HDAC3: variants seen among roughly 807,000 people sequenced by gnomAD.
The protein encoded by HDAC3 is histone deacetylase 3, also known as SMAP45.
Under a neutral mutation model 62.3 loss-of-function variants are expected in HDAC3, and 21 were observed. The ratio of observed to expected loss-of-function variants is 0.34; its 90% CI spans 0.24 to 0.49. The LOEUF (loss-of-function observed/expected upper bound fraction) is 0.49. Ranked by LOEUF, HDAC3 falls within the 20% of genes least tolerant of loss-of-function variation. The pLI, the probability that HDAC3 is intolerant of heterozygous loss-of-function variation, is 0.99. For missense variants in HDAC3, 270 were observed against 556.9 expected, an observed-to-expected ratio of 0.48 and a Z score of 5.19; for synonymous variants, 198 against 206.5, an observed-to-expected ratio of 0.96 and a Z score of 0.35.
chr5:141,626,365 C>T lies in HDAC3; in HGVS notation c.831-82G>A. 2.2e-6 allele frequency: 2 copies of T among 928,304 alleles called. No homozygotes were observed. Among genetic ancestry groups the T allele is most frequent in the Non-Finnish European group, 3.5e-6 (2 of 577,088 alleles). 57.5% of individuals were successfully genotyped at this position (928,304 alleles called of 1,614,324 possible). A position where few individuals can be genotyped will look rare whatever the true frequency, so the allele number is the denominator to read the frequency against. On this transcript the variant is annotated intron_variant, in intron 10 of 14. Coordinates refer to ENST00000305264, the MANE Select transcript of HDAC3 (RefSeq NM_003883.4). The surrounding 1 kb of genome is among the most constrained non-coding windows in gnomAD (Gnocchi z 4.6). ...ACCTTTAGGTATTGCCTGAAAGGAGCACAAGAAAACTATAAATGTTCTAAA... is the reference window on the plus strand; with the variant it reads ...ACCTTTAGGTATTGCCTGAAAGGAGTACAAGAAAACTATAAATGTTCTAAA...
At chr5:141,631,753 C>G (rs1216777813) in intron 3 of HDAC3, among the ~76,000 whole-genome samples, 1 of 152,168 alleles carries the variant, frequency 6.6e-6, no homozygotes, top group African/African-American at 2.4e-5. Context: ...CCTTTCTGTG[C>G]TTAAGTGTCC....
intron 3 of HDAC3, among the ~76,000 whole-genome samples, chr5:141,634,118 G>T (rs1333243673): frequency 6.6e-6 from 1 of 152,078 alleles, no homozygotes; most frequent in Non-Finnish European, 1.5e-5. Flanking sequence ...TAAACCTAAT[G>T]ATATCAAACC....
intron 2 of HDAC3, 26 bp downstream of exon 2, chr5:141,636,522 C>T: frequency 6.2e-7 from 1 of 1,606,996 alleles, no homozygotes. Context: ...CACCCCCCAA[C>T]CCCCGGCCGA....
chr5:141,628,589 C>T lies in HDAC3; in HGVS notation c.661G>A (p.Val221Met). The T allele has an allele frequency of 6.2e-7, 1 of 1,614,100 alleles. No individual in the cohort carries two copies. Among genetic ancestry groups the T allele is most frequent in the African/African-American group, 1.3e-5 (1 of 75,040 alleles). Residue 221 changes from valine (V) to methionine (M), a missense_variant, in exon 8 of 15, where the codon GTG becomes ATG. By Grantham distance (21) the Val-to-Met change is conservative. Transcript: ENST00000305264. The surrounding 1 kb of genome is among the most constrained non-coding windows in gnomAD (Gnocchi z 4.7). ...TCATCAATGCCATCCCGCAGGGGCACGTTCAGACAGTAGTAGCGGCCACTC... is the reference window on the plus strand; with the variant it reads ...TCATCAATGCCATCCCGCAGGGGCATGTTCAGACAGTAGTAGCGGCCACTC... The part of the protein sequence containing the change: ...AESGRYYCLN[V>M]PLRDGIDDQS...
chr5:141,626,323 C>G lies in HDAC3; in HGVS notation c.831-40G>C, dbSNP rs1453505380. 5 of 1,512,166 alleles carry G rather than the reference C, an allele frequency of 3.3e-6. No individual in the cohort carries two copies. The highest frequency in any genetic ancestry group is 4.6e-6 in the Non-Finnish European group (5 of 1,089,140). 93.7% of individuals were successfully genotyped at this position (1,512,166 alleles called of 1,614,324 possible). ...CAGAGGAAGATGTGGAGGAGGTTAT[C>G]AAAAGACAAGGTAAATACCTTTAGG... On this transcript the variant is annotated intron_variant, in intron 10 of 14. Coordinates refer to ENST00000305264, the MANE Select transcript of HDAC3 (RefSeq NM_003883.4). The surrounding 1 kb of genome is among the most constrained non-coding windows in gnomAD (Gnocchi z 4.6).
rs924175040 is a variant in HDAC3, at chr5:141,625,012, G to C, written c.1217+196C>G. The C allele has an allele frequency of 2.8e-4, 158 of 568,624 alleles. No homozygotes were observed. Among genetic ancestry groups the C allele is most frequent in the Non-Finnish European group, 4.4e-4 (145 of 327,668 alleles). The allele number at this position is 568,624 out of a possible 1,614,324, so 35.2% of individuals were successfully genotyped here. A position where few individuals can be genotyped will look rare whatever the true frequency, so the allele number is the denominator to read the frequency against. On this transcript the variant is annotated intron_variant, in intron 14 of 14. Coordinates refer to ENST00000305264, the MANE Select transcript of HDAC3 (RefSeq NM_003883.4). The surrounding 1 kb of genome is among the most constrained non-coding windows in gnomAD (Gnocchi z 4.0). ...GTGTGAACGCCAACACCATATTTTG[G>C]TGCTGTTTTAAAATTTTGCAATAAA... is the stretch of plus-strand genomic sequence containing the variant.
chr5:141,629,078 G>C lies in HDAC3; in HGVS notation c.610+95C>G. 1 of 1,305,530 alleles carries C rather than the reference G, an allele frequency of 7.7e-7. No individual in the cohort carries two copies. Among genetic ancestry groups the C allele is most frequent in the Non-Finnish European group, 1.1e-6 (1 of 931,482 alleles). The allele number at this position is 1,305,530 out of a possible 1,614,324, so 80.9% of individuals were successfully genotyped here. A position where few individuals can be genotyped will look rare whatever the true frequency, so the allele number is the denominator to read the frequency against. ...TGGTAAGGAAAGGCTTCTCTGAGGAGGGGACACCTGAGATGAGACTAGAAG... is the reference window on the plus strand; with the variant it reads ...TGGTAAGGAAAGGCTTCTCTGAGGACGGGACACCTGAGATGAGACTAGAAG... On this transcript the variant is annotated intron_variant, in intron 7 of 14. Transcript: ENST00000305264. The surrounding 1 kb of genome is among the most constrained non-coding windows in gnomAD (Gnocchi z 5.3).
At position 141,626,459 on chromosome 5, in the gene HDAC3, C is replaced by T; in HGVS notation, c.831-176G>A. The T allele has an allele frequency of 1.6e-6, 1 of 614,054 alleles. No individual in the cohort carries two copies. The highest frequency in any genetic ancestry group is 2.9e-6 in the Non-Finnish European group (1 of 346,790). The allele number at this position is 614,054 out of a possible 1,614,324, so 38.0% of individuals were successfully genotyped here. A position where few individuals can be genotyped will look rare whatever the true frequency, so the allele number is the denominator to read the frequency against. On this transcript the variant is annotated intron_variant, in intron 10 of 14. Transcript: ENST00000305264. The surrounding 1 kb of genome is among the most constrained non-coding windows in gnomAD (Gnocchi z 4.6). Reference sequence around the variant, plus strand: ...TTTGGGTATACTTTATATGCTGTGTCTCAATAAAAATTTTAAAATAAAGCA... The same window carrying T: ...TTTGGGTATACTTTATATGCTGTGTTTCAATAAAAATTTTAAAATAAAGCA...
Position 141,629,587 on chromosome 5 carries a change from A to G in HDAC3, c.476+97T>C, listed in dbSNP as rs1418174104. 7 of 1,223,330 alleles carry G rather than the reference A, an allele frequency of 5.7e-6. No individual in the cohort carries two copies. The highest frequency in any genetic ancestry group is 8.3e-6 in the Non-Finnish European group (7 of 845,548). The allele number at this position is 1,223,330 out of a possible 1,614,324, so 75.8% of individuals were successfully genotyped here. On this transcript the variant is annotated intron_variant, in intron 6 of 14. Transcript: ENST00000305264. This position sits in a 1 kb window ranked among gnomAD's most constrained non-coding sequence, Gnocchi z 5.3. Reference sequence around the variant, plus strand: ...AAGCATCAAGAACTTGGGAGAAGCTAATCAGGGAGGAGGGAGGTCAAGGTC... The same window carrying G: ...AAGCATCAAGAACTTGGGAGAAGCTGATCAGGGAGGAGGGAGGTCAAGGTC...
At position 141,626,182 on chromosome 5, in the gene HDAC3, G is replaced by A; in HGVS notation, c.920+12C>T. 1 of 1,613,082 alleles carries A rather than the reference G, an allele frequency of 6.2e-7. No homozygotes were observed. The highest frequency in any genetic ancestry group is 1.3e-5 in the African/African-American group (1 of 74,992). On this transcript the variant is annotated intron_variant, in intron 11 of 14. Coordinates refer to ENST00000305264, the MANE Select transcript of HDAC3 (RefSeq NM_003883.4). The surrounding 1 kb of genome is among the most constrained non-coding windows in gnomAD (Gnocchi z 4.6). ...ACTGGACAACAGGGGAGGAAATCAG[G>A]AGAGTGCTCACCAGCAGCGGGCAAC...
chr5:141,622,771 G>C (rs2099903894), intron 14 of HDAC3, among the ~76,000 whole-genome samples: 1 of 152,140 alleles, frequency 6.6e-6, no homozygotes, highest in Non-Finnish European at 1.5e-5. Context: ...CAGAGAATCA[G>C]GTTGAATCTC....
At chr5:141,636,689 C>A in intron 1 of HDAC3, 47 bp downstream of exon 1, 1 of 1,613,492 alleles carries the variant, frequency 6.2e-7, no homozygotes, top group Non-Finnish European at 8.5e-7. Flanking sequence ...AACCCCGCCT[C>A]AAAACCTCCG....
In HDAC3 at chr5:141,625,262, T is replaced by C. The variant is rs1430811302; in HGVS notation, c.1163A>G (p.Asp388Gly). Residue 388 changes from aspartate to glycine, a missense_variant, in exon 14 of 15, where the codon GAC (aspartate) becomes GGC (glycine). Asp to Gly is a moderately conservative substitution (Grantham distance 94). Coordinates refer to ENST00000305264, the MANE Select transcript of HDAC3 (RefSeq NM_003883.4). The surrounding 1 kb of genome is among the most constrained non-coding windows in gnomAD (Gnocchi z 4.0). ...CTCTGCATCAGCCTCATCAGTCCTGTCATAGGTCAGGAGGTCTGCAGGCAC... is the reference window on the plus strand; with the variant it reads ...CTCTGCATCAGCCTCATCAGTCCTGCCATAGGTCAGGAGGTCTGCAGGCAC... The part of the protein sequence containing the change: ...HDVPADLLTY[D>G]RTDEADAEER... The C allele has an allele frequency of 6.2e-7, 1 of 1,614,096 alleles. No homozygotes were observed. The highest frequency in any genetic ancestry group is 1.1e-5 in the South Asian group (1 of 91,080).
chr5:141,622,700 T>C (rs964305256), intron 14 of HDAC3, among the ~76,000 whole-genome samples: 1 of 152,186 alleles, frequency 6.6e-6, no homozygotes, highest in African/African-American at 2.4e-5. Context: ...GGAAAGGCCT[T>C]ATCTGCATGG....
chr5:141,625,086 T>C lies in HDAC3; in HGVS notation c.1217+122A>G. 1 of 886,550 alleles carries C rather than the reference T, an allele frequency of 1.1e-6. No homozygotes were observed. The highest frequency in any genetic ancestry group is 1.7e-6 in the Non-Finnish European group (1 of 587,262). 54.9% of individuals were successfully genotyped at this position (886,550 alleles called of 1,614,324 possible). A position where few individuals can be genotyped will look rare whatever the true frequency, so the allele number is the denominator to read the frequency against. ...AATAACAAAGAAAAGAGTGAGGAAA[T>C]TGTAGCAGACTAAAGGAGGTAAGCC... On this transcript the variant is annotated intron_variant, in intron 14 of 14. Coordinates refer to ENST00000305264, the MANE Select transcript of HDAC3 (RefSeq NM_003883.4). This position sits in a 1 kb window ranked among gnomAD's most constrained non-coding sequence, Gnocchi z 4.0.
Position 141,628,680 on chromosome 5 carries a change from C to A in HDAC3, c.611-41G>T, listed in dbSNP as rs749986461. On this transcript the variant is annotated intron_variant, in intron 7 of 14. Coordinates refer to ENST00000305264, the MANE Select transcript of HDAC3 (RefSeq NM_003883.4). The surrounding 1 kb of genome is among the most constrained non-coding windows in gnomAD (Gnocchi z 4.7). The stretch of plus-strand genomic sequence containing the variant: ...TGGTGGTAGCCACACATGGGAAGCA[C>A]CCACAACCCAGCTGTTTCAGCCCCA... 2.0e-5 allele frequency: 30 copies of A among 1,498,786 alleles called. No individual in the cohort carries two copies. The East Asian group carries it at 6.8e-4, about 34-fold the overall frequency. 92.8% of individuals were successfully genotyped at this position (1,498,786 alleles called of 1,614,324 possible).
Position 141,636,817 on chromosome 5 carries a change from C to T in HDAC3, c.-27G>A, listed in dbSNP as rs376196465. 1.3e-6 allele frequency: 2 copies of T among 1,501,482 alleles called. No individual in the cohort carries two copies. The highest frequency in any genetic ancestry group is 1.5e-5 in the African/African-American group (1 of 68,760). The allele number at this position is 1,501,482 out of a possible 1,614,324, so 93.0% of individuals were successfully genotyped here. A position where few individuals can be genotyped will look rare whatever the true frequency, so the allele number is the denominator to read the frequency against. ...GTGCCGGCGGGAGCAGGCCCCGCAC[C>T]TCCGCCGCCCGCCGCCCGCGGCCGC... On this transcript the variant is annotated 5_prime_UTR_variant, in exon 1 of 15. Coordinates refer to ENST00000305264, the MANE Select transcript of HDAC3 (RefSeq NM_003883.4).
chr5:141,627,714 G>A (rs549627253), intron 10 of HDAC3, among the ~76,000 whole-genome samples, 179 bp downstream of exon 10: 11 of 152,150 alleles, frequency 7.2e-5, no homozygotes, highest in African/African-American at 1.7e-4. Context: ...AAAATATATC[G>A]TGAATGAATG....
Position 141,626,274 on chromosome 5 carries a change from A to G in HDAC3, c.840T>C (p.Val280=), listed in dbSNP as rs760879425. Residue 280 remains valine (V), a synonymous_variant, in exon 11 of 15, where the codon GTT becomes GTC. Coordinates refer to ENST00000305264, the MANE Select transcript of HDAC3 (RefSeq NM_003883.4). This position sits in a 1 kb window ranked among gnomAD's most constrained non-coding sequence, Gnocchi z 4.6. ...NLSIRGHGEC[V]EYVKSFNIPL... The stretch of plus-strand genomic sequence containing the variant: ...GGATATTGAAGCTCTTGACATATTC[A>G]ACGCATTCCCTGTTAAAAGGAACCA... 6.2e-7 allele frequency: 1 copy of G among 1,613,944 alleles called. No individual in the cohort carries two copies. Among genetic ancestry groups the G allele is most frequent in the Non-Finnish European group, 8.5e-7 (1 of 1,179,834 alleles).
Sources: allele counts gnomAD v4.1 joint callset (sites outside exome capture counted in the v4.1 genomes callset), GRCh38; gene constraint gnomAD v4.1.1; non-coding constraint Gnocchi (gnomAD v3.1); transcripts MANE v1.5; gene names NCBI Gene and HGNC (gene_info 2026-07-23, HGNC 2026-07-21).